Variants in XKR4 observed in about 807,000 individuals in gnomAD.
The protein encoded by XKR4 is XK-related protein 4.
Under a neutral mutation model 53.9 loss-of-function variants are expected in XKR4, and 12 were observed. The ratio of observed to expected loss-of-function variants is 0.22; its 90% CI spans 0.14 to 0.36. The LOEUF is 0.36. XKR4 is among the 10% of genes least tolerant of loss of function. The pLI, the probability that XKR4 is intolerant of heterozygous loss-of-function variation, is 1.00. For synonymous variants in XKR4, 354 were observed against 362.4 expected, an observed-to-expected ratio of 0.98 and a Z score of 0.26; for missense variants, 799 against 859.5, an observed-to-expected ratio of 0.93 and a Z score of 0.88.
At chr8:55,309,418 G>A (rs1449297343) in intron 1 of XKR4, among the ~76,000 whole-genome samples, 1 of 152,226 alleles carries the variant, frequency 6.6e-6, no homozygotes, top group Admixed American at 6.5e-5. Flanking sequence ...GGGAATGGAA[G>A]AGAAAGTGTG....
intron 1 of XKR4, among the ~76,000 whole-genome samples, chr8:55,188,273 A>G (rs1354705048): frequency 1.3e-5 from 2 of 152,304 alleles, no homozygotes; most frequent in East Asian, 3.9e-4. Context: ...TACTCTTCTA[A>G]GTCTTAACCA....
chr8:55,420,790 A>C (rs1027246944), intron 2 of XKR4, among the ~76,000 whole-genome samples: 2 of 98,860 alleles, frequency 2.0e-5, no homozygotes, highest in Non-Finnish European at 4.5e-5. Context: ...TATAATAATA[A>C]TAAATAGATA....
At chr8:55,133,183 C>G (rs1182391996) in intron 1 of XKR4, among the ~76,000 whole-genome samples, 1 of 152,088 alleles carries the variant, frequency 6.6e-6, no homozygotes, top group East Asian at 1.9e-4. Flanking sequence ...AAAACAGCCA[C>G]AAACTTATGG....
At chr8:55,144,789 A>C in intron 1 of XKR4, among the ~76,000 whole-genome samples, 1 of 105,104 alleles carries the variant, frequency 9.5e-6, no homozygotes, top group African/African-American at 3.3e-5. Context: ...CACCCTCCCT[A>C]TTCACAGTAT....
At chr8:55,219,763 A>G (rs1817855804) in intron 1 of XKR4, among the ~76,000 whole-genome samples, 1 of 152,184 alleles carries the variant, frequency 6.6e-6, no homozygotes, top group African/African-American at 2.4e-5. Context: ...GCTTTTTTAT[A>G]ATCTTTACTC....
intron 1 of XKR4, among the ~76,000 whole-genome samples, chr8:55,293,396 CA>C (rs753496658): frequency 3.3e-5 from 5 of 152,028 alleles, no homozygotes; most frequent in Non-Finnish European, 5.9e-5. Flanking sequence ...GAAGAAGGAA[CA>C]AGTGCGAAAT....
intron 2 of XKR4, among the ~76,000 whole-genome samples, chr8:55,483,241 A>T (rs1806140057): frequency 6.6e-6 from 1 of 152,180 alleles, no homozygotes; most frequent in Non-Finnish European, 1.5e-5. Flanking sequence ...CTATAATTTC[A>T]ACTACAAACT....
chr8:55,170,192 C>T (rs1034078423), intron 1 of XKR4, among the ~76,000 whole-genome samples: 1 of 152,112 alleles, frequency 6.6e-6, no homozygotes, highest in African/African-American at 2.4e-5. Flanking sequence ...GAATAACGGG[C>T]CCCCCAAATA....
intron 2 of XKR4, among the ~76,000 whole-genome samples, chr8:55,398,506 G>A (rs993386486): frequency 6.6e-6 from 1 of 151,208 alleles, no homozygotes; most frequent in East Asian, 1.9e-4. Context: ...AAAAAATAAG[G>A]AGAGAGCATC....
At chr8:55,256,927 A>G (rs1168957382) in intron 1 of XKR4, among the ~76,000 whole-genome samples, 1 of 152,196 alleles carries the variant, frequency 6.6e-6, no homozygotes, top group African/African-American at 2.4e-5. Context: ...TTCAAAATCA[A>G]GGGTCCAGCA....
At chr8:55,133,504 C>T (rs1816585513) in intron 1 of XKR4, among the ~76,000 whole-genome samples, 1 of 152,132 alleles carries the variant, frequency 6.6e-6, no homozygotes. Flanking sequence ...GGATGAAATG[C>T]TGCTTCATGA....
intron 2 of XKR4, among the ~76,000 whole-genome samples, chr8:55,477,445 A>T (rs1267732934): frequency 6.6e-6 from 1 of 152,138 alleles, no homozygotes; most frequent in Admixed American, 6.5e-5. Context: ...ATAAAACCAC[A>T]AAGATGGGGA....
At chr8:55,454,407 G>A in intron 2 of XKR4, 1 of 1,358,996 alleles carries the variant, frequency 7.4e-7, no homozygotes, top group Non-Finnish European at 1.0e-6. Context: ...AGCAATGCCA[G>A]GAGGCTCCTG....
At chr8:55,342,635 G>A (rs1009160153) in intron 1 of XKR4, among the ~76,000 whole-genome samples, 1 of 152,108 alleles carries the variant, frequency 6.6e-6, no homozygotes, top group South Asian at 2.1e-4. Context: ...CCACCTCAAC[G>A]CCTCCTGTTC....
chr8:55,247,839 C>A (rs564843400), intron 1 of XKR4, among the ~76,000 whole-genome samples: 1 of 51,262 alleles, frequency 2.0e-5, no homozygotes, highest in South Asian at 8.0e-4. Context: ...TTTTCTTTTT[C>A]TTTCTTTCTT....
intron 1 of XKR4, among the ~76,000 whole-genome samples, chr8:55,112,568 T>TTTTTTTG (rs1816247112): frequency 7.5e-6 from 1 of 134,034 alleles, no homozygotes; most frequent in African/African-American, 2.8e-5. Flanking sequence ...TCAGGTTTTT[T>TTTTTTTG]TTTTTTTTTT....
chr8:55,186,329 A>G (rs1412515672), intron 1 of XKR4, among the ~76,000 whole-genome samples: 1 of 152,218 alleles, frequency 6.6e-6, no homozygotes, highest in African/African-American at 2.4e-5. Context: ...TGACCATATC[A>G]GTAAAAATTT....
chr8:55,443,293 T>C (rs1420400409), intron 2 of XKR4, among the ~76,000 whole-genome samples: 3 of 151,860 alleles, frequency 2.0e-5, no homozygotes, highest in Admixed American at 6.6e-5. Context: ...GTTAATACTT[T>C]TGAATATATA....
intron 1 of XKR4, among the ~76,000 whole-genome samples, chr8:55,178,860 G>A (rs1293399005): frequency 1.3e-5 from 2 of 152,188 alleles, no homozygotes; most frequent in African/African-American, 2.4e-5. Context: ...TTGTCACCAT[G>A]GCCCCAACTA....
Sources: allele counts gnomAD v4.1 joint callset (sites outside exome capture counted in the v4.1 genomes callset), GRCh38; gene constraint gnomAD v4.1.1; transcripts MANE v1.5; gene names NCBI Gene and HGNC (gene_info 2026-07-23, HGNC 2026-07-21).